DNAJC14: variants seen among roughly 807,000 people sequenced by gnomAD.
DNAJC14 encodes DnaJ heat shock protein family (Hsp40) member C14, also known as dnaJ homolog subfamily C member 14.
In DNAJC14, 12 loss-of-function variants were observed where a neutral mutation model predicts 68.8. That is an observed-to-expected ratio of 0.17 (90% CI 0.11 to 0.28). The LOEUF (loss-of-function observed/expected upper bound fraction) is 0.28, where lower values mean the gene tolerates loss of function less well. DNAJC14 is among the 10% of genes least tolerant of loss of function. The pLI is 1.00. For missense variants in DNAJC14, 764 were observed against 875.6 expected (o/e 0.87, Z 1.61); for synonymous variants, 350 against 321.5 (o/e 1.09, Z -0.95).
chr12:55,822,066 C>T lies in DNAJC14; in HGVS notation c.2020G>A (p.Ala674Thr), dbSNP rs1009069378. 1.1e-5 allele frequency: 17 copies of T among 1,613,972 alleles called. No individual in the cohort carries two copies. The highest frequency in any genetic ancestry group is 2.7e-5 in the African/African-American group (2 of 74,918). Reference protein sequence around the residue: ...FAAPQPAPGAAAASKPNSTVP... With the variant: ...FAAPQPAPGATAASKPNSTVP... ...GTGCTGTTGGGCTTAGAGGCTGCAG[C>T]GGCTCCAGGGGCAGGCTGAGGAGCT... The change falls in exon 7 of 7, where the codon GCT becomes ACT. Residue 674 changes from alanine (A) to threonine (T), a missense_variant. Physicochemically the swap from Ala to Thr is moderately conservative, Grantham distance 58 (BLOSUM62 0). Around this residue, in one of 4 missense-constraint regions of DNAJC14, gnomAD observed 134 missense variants for 162.3 expected, o/e 0.83. Transcript: ENST00000678005.
chr12:55,829,353 A>G (rs1235137122), intron 1 of DNAJC14, 136 bp downstream of exon 1: 3 of 962,396 alleles, frequency 3.1e-6, no homozygotes, highest in Non-Finnish European at 1.2e-6. Flanking sequence ...GCTGAGGCAG[A>G]AGAATCGCTT....
chr12:55,827,476 G>T lies in DNAJC14; in HGVS notation c.1183C>A (p.Gln395Lys), dbSNP rs772665002. 2 of 1,604,556 alleles carry T rather than the reference G, an allele frequency of 1.2e-6. No homozygotes were observed. Among genetic ancestry groups the T allele is most frequent in the South Asian group, 2.2e-5 (2 of 90,790 alleles). ...RPWQRLVRIVQWGWLELPWVK... is the reference protein window; with the variant it reads ...RPWQRLVRIVKWGWLELPWVK... ...CAAGGCAACTCCAGCCAGCCCCACT[G>T]AACTATTCTTACCAGCCGCTGCCAT... The change falls in exon 2 of 7, where the codon CAG becomes AAG. Residue 395 changes from glutamine (Q) to lysine (K), a missense_variant. By Grantham distance (53) the Gln-to-Lys change is moderately conservative. Transcript: ENST00000678005.
rs201422687 is a variant in DNAJC14 at position 55,828,384 on chromosome 12, T to C, written c.275A>G (p.Gln92Arg). ...GPPRDAEDPD[Q>R]SETSSEEESG... ...TTCTTCTTCTGAAGACGTCTCACTCTGATCAGGGTCCTCTGCATCTCTAGG... is the reference window on the plus strand; with the variant it reads ...TTCTTCTTCTGAAGACGTCTCACTCCGATCAGGGTCCTCTGCATCTCTAGG... The change falls in exon 2 of 7, where the codon CAG becomes CGG. Residue 92 changes from glutamine to arginine, a missense_variant. This residue lies in a region of DNAJC14 where 514 missense variants were observed against 521.7 expected (regional missense o/e 0.99). Coordinates refer to ENST00000678005, the MANE Select transcript of DNAJC14 (RefSeq NM_032364.6). 3 of 1,613,984 alleles carry C rather than the reference T, an allele frequency of 1.9e-6. No homozygotes were observed. In the East Asian group the frequency reaches 6.7e-5, roughly 36 times the overall value.
rs775617259 is a variant in DNAJC14 at position 55,822,713 on chromosome 12, C to T, written c.1654G>A (p.Glu552Lys). 1.2e-6 allele frequency: 2 copies of T among 1,613,960 alleles called. No homozygotes were observed. The highest frequency in any genetic ancestry group is 1.3e-5 in the African/African-American group (1 of 74,894). The change falls in exon 5 of 7, where the codon GAA (glutamate) becomes AAA (lysine). Residue 552 changes from glutamate to lysine, a missense_variant. Physicochemically the swap from Glu to Lys is moderately conservative, Grantham distance 56. Around this residue, in one of 4 missense-constraint regions of DNAJC14, gnomAD observed 110 missense variants for 162.7 expected, o/e 0.68. Transcript: ENST00000678005. Reference protein sequence around the residue: ...GKHRRFEMDREPKSARYCAEC... With the variant: ...GKHRRFEMDRKPKSARYCAEC... ...GCACAGTATCTGGCACTCTTAGGTT[C>T]CCGGTCCATTTCAAACCTCCTGCAA...
chr12:55,829,599 C>A, upstream of DNAJC14: 1 of 985,522 alleles, frequency 1.0e-6, no homozygotes, highest in Non-Finnish European at 1.2e-6. Context: ...CTTCCGCCTT[C>A]CGTCCCCGCG....
chr12:55,829,597 T>C, upstream of DNAJC14: 1 of 985,488 alleles, frequency 1.0e-6, no homozygotes, highest in Non-Finnish European at 1.2e-6. Flanking sequence ...TGCTTCCGCC[T>C]TCCGTCCCCG....
chr12:55,825,542 CTTTT>C (rs11375162), intron 2 of DNAJC14, among the ~76,000 whole-genome samples: 8 of 122,036 alleles, frequency 6.6e-5, no homozygotes, highest in African/African-American at 2.2e-4. Context: ...TGCACACCCT[CTTTT>C]TTTTTTTTTT....
chr12:55,829,608 C>T (rs1880916811), upstream of DNAJC14: 3 of 985,466 alleles, frequency 3.0e-6, no homozygotes, highest in South Asian at 1.4e-4. Context: ...TCCGTCCCCG[C>T]GGCCGCCGGC....
At chr12:55,822,830 C>T in intron 4 of DNAJC14, 98 bp from the exon 5 acceptor site, 1 of 1,481,144 alleles carries the variant, frequency 6.8e-7, no homozygotes, top group Non-Finnish European at 9.1e-7. Flanking sequence ...GCTGAAACAT[C>T]TAAAATTACC....
intron 1 of DNAJC14, 68 bp downstream of exon 1, chr12:55,829,421 G>C (rs1199144287): frequency 1.0e-6 from 1 of 984,376 alleles, no homozygotes; most frequent in Non-Finnish European, 1.2e-6. Flanking sequence ...CTCCAGTCTG[G>C]GTGACAGAGC....
intron 2 of DNAJC14, among the ~76,000 whole-genome samples, chr12:55,825,130 CAAAAA>C (rs71074860): frequency 1.5e-5 from 1 of 65,488 alleles, no homozygotes. Flanking sequence ...GACCCTGTCT[CAAAAA>C]AAAAAAAAAA....
At position 55,827,424 on chromosome 12, in the gene DNAJC14, C is replaced by A; in HGVS notation, c.1235G>T (p.Gly412Val). The A allele has an allele frequency of 6.2e-7, 1 of 1,611,884 alleles. No individual in the cohort carries two copies. The highest frequency in any genetic ancestry group is 1.1e-5 in the South Asian group (1 of 90,840). Residue 412 changes from glycine to valine, a missense_variant, in exon 2 of 7, where the codon GGG (glycine) becomes GTG (valine). By Grantham distance (109) the Gly-to-Val change is moderately radical. Coordinates refer to ENST00000678005, the MANE Select transcript of DNAJC14 (RefSeq NM_032364.6). ...PWVKQNINRQGNAPVASGRYC... is the reference protein window; with the variant it reads ...PWVKQNINRQVNAPVASGRYC... ...GCGCCCACTAGCTACAGGTGCATTCCCCTGCCTATTAATATTCTGCTTGAC... is the reference window on the plus strand; with the variant it reads ...GCGCCCACTAGCTACAGGTGCATTCACCTGCCTATTAATATTCTGCTTGAC...
In DNAJC14 at chr12:55,824,114, C is replaced by G. The variant is rs768412426; in HGVS notation, c.1408-606G>C. Among the ~76,000 whole-genome samples the G allele has an allele frequency of 3.3e-5, 5 of 152,008 alleles. No individual in the cohort carries two copies. In the East Asian group the frequency reaches 9.6e-4, roughly 29 times the overall value. On this transcript the variant is annotated intron_variant, in intron 2 of 6. Coordinates refer to ENST00000678005, the MANE Select transcript of DNAJC14 (RefSeq NM_032364.6). Reference sequence around the variant, plus strand: ...GTATGTAGCAAAGAATCAGGTACTACGGTGGATTCATCATTCCAGTTTGCC... The same window carrying G: ...GTATGTAGCAAAGAATCAGGTACTAGGGTGGATTCATCATTCCAGTTTGCC...
Position 55,821,168 on chromosome 12 carries a change from A to G in DNAJC14, c.*809T>C, listed in dbSNP as rs748223182. The G allele has an allele frequency of 6.6e-6, 1 of 152,668 alleles. No homozygotes were observed. The highest frequency in any genetic ancestry group is 1.5e-5 in the Non-Finnish European group (1 of 68,052). 9.5% of individuals were successfully genotyped at this position (152,668 alleles called of 1,614,324 possible). On this transcript the variant is annotated 3_prime_UTR_variant, in exon 7 of 7. Transcript: ENST00000678005. ...TGAATCTACTTTTTAAAAATGATTAATTTTGGCCATCCTTGCAGAAAAGAG... is the reference window on the plus strand; with the variant it reads ...TGAATCTACTTTTTAAAAATGATTAGTTTTGGCCATCCTTGCAGAAAAGAG...
At chr12:55,825,541 TC>T (rs1359785639) in intron 2 of DNAJC14, among the ~76,000 whole-genome samples, 3 of 86,518 alleles carry the variant, frequency 3.5e-5, no homozygotes, top group Non-Finnish European at 8.7e-5. Context: ...CTGCACACCC[TC>T]TTTTTTTTTT....
At position 55,822,650 on chromosome 12, in the gene DNAJC14, A is replaced by G; in HGVS notation, c.1717T>C (p.Phe573Leu). The G allele has an allele frequency of 6.2e-7, 1 of 1,614,178 alleles. No homozygotes were observed. The highest frequency in any genetic ancestry group is 8.5e-7 in the Non-Finnish European group (1 of 1,180,032). ...NRLHPAEEGD[F>L]WAESSMLGLK... is the part of the protein sequence containing the mutation. ...CCCAACATGCTTGACTCTGCCCAAA[A>G]GTCTCCTTCCTCAGCAGGATGCAGC... The change falls in exon 5 of 7, where the codon TTT becomes CTT. Residue 573 changes from phenylalanine to leucine, a missense_variant. Physicochemically the swap from Phe to Leu is conservative, Grantham distance 22. Coordinates refer to ENST00000678005, the MANE Select transcript of DNAJC14 (RefSeq NM_032364.6).
chr12:55,823,590 C>T, intron 2 of DNAJC14, 82 bp from the exon 3 acceptor site: 1 of 1,190,144 alleles, frequency 8.4e-7, no homozygotes, highest in Non-Finnish European at 1.2e-6. Flanking sequence ...AAAGGGTTCT[C>T]TTTCATCACC....
At chr12:55,825,888 G>C (rs1321897522) in intron 2 of DNAJC14, among the ~76,000 whole-genome samples, 1 of 152,044 alleles carries the variant, frequency 6.6e-6, no homozygotes, top group Non-Finnish European at 1.5e-5. Context: ...TTTCATGTAT[G>C]ACATACATAT....
intron 2 of DNAJC14, among the ~76,000 whole-genome samples, chr12:55,825,612 C>T (rs1880773483): frequency 7.2e-6 from 1 of 138,848 alleles, no homozygotes; most frequent in Admixed American, 8.0e-5. Context: ...GGCGCGATCT[C>T]GGCTCACTGC....
Sources: gnomAD v4.1 joint callset for allele counts (sites outside exome capture counted in the v4.1 genomes callset) on GRCh38, gnomAD v4.1.1 for gene constraint, gnomAD v4.1.1 regional missense constraint, MANE v1.5 for transcripts, NCBI Gene and HGNC (gene_info 2026-07-23, HGNC 2026-07-21) for gene names.